Variants in LRRC37A2 observed in about 807,000 individuals in gnomAD.
The protein encoded by LRRC37A2 is leucine rich repeat containing 37 member A2.
Under a neutral mutation model 68.8 loss-of-function variants are expected in LRRC37A2, and 9 were observed. The ratio of observed to expected loss-of-function variants is 0.13; its 90% confidence interval spans 0.08 to 0.23. The LOEUF is 0.23. LRRC37A2 is among the 10% of genes least tolerant of loss of function. LRRC37A2 has a pLI of 1.00. For synonymous variants in LRRC37A2, 63 were observed against 367.6 expected (o/e 0.17, Z 9.48); for missense variants, 168 against 950.4 (o/e 0.18, Z 10.82).
At chr17:46,985,125 G>T in the LRRC37A2 span, among the ~76,000 whole-genome samples, 2 of 152,162 alleles carry the variant, frequency 1.3e-5, no homozygotes, top group Non-Finnish European at 2.9e-5. Flanking sequence ...ACTGCATCTG[G>T]TACGGAATTG....
At chr17:46,980,345 T>TTACTTCTC in the LRRC37A2 span, among the ~76,000 whole-genome samples, 1 of 23,362 alleles carries the variant, frequency 4.3e-5, no homozygotes, top group South Asian at 1.1e-3. Context: ...CCTTCTCTCC[T>TTACTTCTC]TCCTTCCTTC....
chr17:46,864,347 A>G, the LRRC37A2 span, among the ~76,000 whole-genome samples: 1 of 151,250 alleles, frequency 6.6e-6, no homozygotes. Context: ...AGCTCCCCCA[A>G]CTCCTTCTCT....
the LRRC37A2 span, among the ~76,000 whole-genome samples, chr17:46,715,156 G>A: frequency 6.6e-6 from 1 of 152,190 alleles, no homozygotes; most frequent in Non-Finnish European, 1.5e-5. Context: ...AGAGTCCAGA[G>A]AAATACATAA....
At chr17:46,880,802 G>A in the LRRC37A2 span, among the ~76,000 whole-genome samples, 3 of 152,118 alleles carry the variant, frequency 2.0e-5, no homozygotes, top group Non-Finnish European at 4.4e-5. Context: ...CTAAGGCCTA[G>A]AGGAAGGAAA....
chr17:46,842,399 G>A, the LRRC37A2 span, among the ~76,000 whole-genome samples: 2 of 152,142 alleles, frequency 1.3e-5, no homozygotes, highest in Admixed American at 6.5e-5. Context: ...TTTTCAGACA[G>A]GGTCTCCCTC....
the LRRC37A2 span, chr17:46,876,184 G>A: frequency 6.8e-7 from 1 of 1,476,300 alleles, no homozygotes; most frequent in Admixed American, 2.1e-5. Flanking sequence ...GTGCTCTGGG[G>A]GCAGGCTCTG....
chr17:46,662,609 CATG>C, the LRRC37A2 span, among the ~76,000 whole-genome samples: 1 of 130,834 alleles, frequency 7.6e-6, no homozygotes, highest in South Asian at 2.3e-4. Flanking sequence ...ACAGAACAAG[CATG>C]ATACTACTTC....
At chr17:46,912,807 C>A in the LRRC37A2 span, among the ~76,000 whole-genome samples, 1 of 152,174 alleles carries the variant, frequency 6.6e-6, no homozygotes, top group Non-Finnish European at 1.5e-5. Flanking sequence ...AGAGTGGAAG[C>A]CATCAGAGGT....
chr17:46,903,017 C>T, the LRRC37A2 span, among the ~76,000 whole-genome samples: 2 of 152,192 alleles, frequency 1.3e-5, 1 homozygote, highest in East Asian at 3.9e-4. Context: ...TGTGGTGGCT[C>T]ATGCCTGTAA....
chr17:46,931,197 A>G, the LRRC37A2 span: 2 of 1,514,390 alleles, frequency 1.3e-6, no homozygotes, highest in Non-Finnish European at 9.2e-7. Context: ...CAAAAGGCAA[A>G]ATGCCAGACT....
the LRRC37A2 span, among the ~76,000 whole-genome samples, chr17:46,762,222 T>C: frequency 9.8e-5 from 15 of 152,356 alleles, 1 homozygote; most frequent in Middle Eastern, 6.8e-3. Context: ...AATTTATACA[T>C]TGAAAATACT....
At chr17:47,026,475 T>A in the LRRC37A2 span, among the ~76,000 whole-genome samples, 1 of 152,198 alleles carries the variant, frequency 6.6e-6, no homozygotes, top group African/African-American at 2.4e-5. Flanking sequence ...CTGATTCAGT[T>A]GGTCTAGAGT....
At chr17:46,966,516 T>A in the LRRC37A2 span, 1 of 688,320 alleles carries the variant, frequency 1.5e-6, no homozygotes, top group Non-Finnish European at 2.6e-6. Context: ...CCCGATTAAT[T>A]TTTTGTATTT....
chr17:46,768,284 G>A, the LRRC37A2 span: 1 of 1,612,310 alleles, frequency 6.2e-7, no homozygotes, highest in Non-Finnish European at 8.5e-7. The surrounding 1 kb of genome is among the most constrained non-coding windows in gnomAD (Gnocchi z 5.0). Flanking sequence ...CAGGCTCCCA[G>A]CCTCCCCCCT....
the LRRC37A2 span, among the ~76,000 whole-genome samples, chr17:46,812,819 T>G: frequency 2.6e-5 from 4 of 152,244 alleles, no homozygotes; most frequent in Non-Finnish European, 4.4e-5. Context: ...AGCTTGCAGA[T>G]AGGAGGTGAA....
the LRRC37A2 span, among the ~76,000 whole-genome samples, chr17:46,986,906 C>T: frequency 7.4e-6 from 1 of 135,140 alleles, no homozygotes; most frequent in African/African-American, 2.5e-5. Flanking sequence ...GGCAGTCCCA[C>T]AGAGGAATAG....
At chr17:47,021,346 A>C in the LRRC37A2 span, among the ~76,000 whole-genome samples, 2 of 121,856 alleles carry the variant, frequency 1.6e-5, no homozygotes, top group Non-Finnish European at 3.4e-5. Flanking sequence ...CTAGGAGTGA[A>C]GTGTGAAGGG....
chr17:46,828,012 A>C, the LRRC37A2 span, among the ~76,000 whole-genome samples: 4 of 151,332 alleles, frequency 2.6e-5, no homozygotes, highest in African/African-American at 9.7e-5. Context: ...GGGTTTCACC[A>C]TGTTAGCCAG....
the LRRC37A2 span, among the ~76,000 whole-genome samples, chr17:46,810,694 C>T: frequency 9.3e-3 from 1,411 of 152,198 alleles, 31 homozygotes; most frequent in African/African-American, 0.028. Context: ...CAGTGACCAC[C>T]CCCTCCACCA....
Sources: gnomAD v4.1 joint callset for allele counts (sites outside exome capture counted in the v4.1 genomes callset) on GRCh38, gnomAD v4.1.1 for gene constraint, Gnocchi (gnomAD v3.1) non-coding constraint, MANE v1.5 for transcripts, NCBI Gene and HGNC (gene_info 2026-07-23, HGNC 2026-07-21) for gene names.